Variants in SGMS1 observed in about 807,000 individuals in gnomAD.
SGMS1 encodes sphingomyelin synthase 1.
Under a neutral mutation model 46.2 loss-of-function variants are expected in SGMS1, and 13 were observed. That is an observed-to-expected ratio of 0.28 (90% CI 0.18 to 0.45). SGMS1 has a LOEUF of 0.45. Ranked by LOEUF, SGMS1 falls within the 20% of genes least tolerant of loss-of-function variation. The pLI is 1.00. For synonymous variants in SGMS1, 203 were observed against 187.8 expected (o/e 1.08, Z -0.66); for missense variants, 324 against 519.9 (o/e 0.62, Z 3.66).
intron 6 of SGMS1, among the ~76,000 whole-genome samples, chr10:50,425,173 T>C (rs899877144): frequency 6.6e-6 from 1 of 152,202 alleles, no homozygotes; most frequent in Non-Finnish European, 1.5e-5. Flanking sequence ...TCAGCCTCTG[T>C]GGAAAGCAGT....
chr10:50,402,797 T>TTGTATA (rs1485820099), intron 6 of SGMS1, among the ~76,000 whole-genome samples: 2 of 152,018 alleles, frequency 1.3e-5, no homozygotes, highest in Non-Finnish European at 2.9e-5. Flanking sequence ...GATGGATGAT[T>TTGTATA]TGTATAGTGA....
chr10:50,487,479 T>C (rs1239470453), intron 3 of SGMS1, among the ~76,000 whole-genome samples: 1 of 152,234 alleles, frequency 6.6e-6, no homozygotes, highest in East Asian at 1.9e-4. Context: ...ACGTGTACCA[T>C]GGAACTTAAA....
chr10:50,513,419 T>C (rs1267706284), intron 3 of SGMS1, among the ~76,000 whole-genome samples: 3 of 152,132 alleles, frequency 2.0e-5, no homozygotes, highest in Non-Finnish European at 4.4e-5. Context: ...CCTAGGAGTC[T>C]TTGAGGCTTC....
In SGMS1 at chr10:50,488,626, T is replaced by A. The variant is rs190964601; in HGVS notation, c.-497-21694A>T. On this transcript the variant is annotated intron_variant, in intron 3 of 10. Transcript: ENST00000361781. ...TCCCAAGTAACATTCTCATTCTCCA[T>A]ATAAGAATAAAGAGGAAAAAGAAAG... Among the ~76,000 whole-genome samples the A allele has an allele frequency of 5.3e-5, 8 of 152,318 alleles. No homozygotes were observed. In the East Asian group the frequency reaches 1.3e-3, roughly 26 times the overall value.
At chr10:50,451,941 C>G (rs1837116142) in intron 5 of SGMS1, among the ~76,000 whole-genome samples, 1 of 152,100 alleles carries the variant, frequency 6.6e-6, no homozygotes, top group African/African-American at 2.4e-5. Flanking sequence ...TACACTCATT[C>G]AGAATCAAAT....
At chr10:50,393,840 G>T (rs1041311818) in intron 6 of SGMS1, among the ~76,000 whole-genome samples, 10 of 152,208 alleles carry the variant, frequency 6.6e-5, no homozygotes, top group Non-Finnish European at 5.9e-5. Flanking sequence ...CAACTTAAAA[G>T]ATTTTGCAGA....
At chr10:50,374,964 AG>A (rs1848501623) in intron 6 of SGMS1, among the ~76,000 whole-genome samples, 1 of 152,116 alleles carries the variant, frequency 6.6e-6, no homozygotes, top group East Asian at 1.9e-4. Context: ...TCGCAGCCCG[AG>A]GCAGGTGAAA....
At chr10:50,505,257 C>T (rs1236940824) in intron 3 of SGMS1, among the ~76,000 whole-genome samples, 2 of 152,086 alleles carry the variant, frequency 1.3e-5, no homozygotes, top group Non-Finnish European at 2.9e-5. Context: ...TCAACAGCTC[C>T]TCCCATAGAA....
chr10:50,422,325 C>T (rs752757797), intron 6 of SGMS1, among the ~76,000 whole-genome samples: 4 of 152,098 alleles, frequency 2.6e-5, no homozygotes, highest in Admixed American at 1.3e-4. Context: ...GAAAAGAAAA[C>T]GTTCCCTTTG....
At position 50,495,335 on chromosome 10, in the gene SGMS1, C is replaced by T. The variant is rs576926862; in HGVS notation, c.-498+24496G>A. On this transcript the variant is annotated intron_variant, in intron 3 of 10. Coordinates refer to ENST00000361781, the MANE Select transcript of SGMS1 (RefSeq NM_147156.4). ...TAATTAATGATTAAACTGTACTTCT[C>T]TGAAATAAAATTTGGCTAAAATGCC... is the stretch of plus-strand genomic sequence containing the variant. 1.2e-4 allele frequency among the ~76,000 whole-genome samples: 18 copies of T among 150,172 alleles called. No individual in the cohort carries two copies. In the East Asian group the frequency reaches 2.1e-3, roughly 18 times the overall value.
At chr10:50,479,841 T>C (rs182722733) in intron 3 of SGMS1, among the ~76,000 whole-genome samples, 2 of 152,268 alleles carry the variant, frequency 1.3e-5, no homozygotes, top group Non-Finnish European at 2.9e-5. Context: ...TTCTCATAGA[T>C]AAAAGAGCAA....
intron 6 of SGMS1, among the ~76,000 whole-genome samples, chr10:50,351,728 C>T (rs529323882): frequency 2.0e-4 from 30 of 152,306 alleles, no homozygotes; most frequent in African/African-American, 7.0e-4. Flanking sequence ...GCCTCCCTAG[C>T]CATGTGGAAC....
At chr10:50,309,159 A>T (rs1055596194) in intron 9 of SGMS1, among the ~76,000 whole-genome samples, 2 of 152,214 alleles carry the variant, frequency 1.3e-5, no homozygotes, top group Non-Finnish European at 2.9e-5. Context: ...AAGGGGGATC[A>T]GAAGTATAGG....
rs549280044 is a variant in SGMS1, at chr10:50,356,248, A to G, written c.-231-11903T>C. On this transcript the variant is annotated intron_variant, in intron 6 of 10. Coordinates refer to ENST00000361781, the MANE Select transcript of SGMS1 (RefSeq NM_147156.4). ...CTGCCTTGGGATGCTGTTAATCTAT[A>G]AACCTTACCCCCAACCCTGTGCTCT... 3.9e-5 allele frequency among the ~76,000 whole-genome samples: 6 copies of G among 152,362 alleles called. No individual in the cohort carries two copies. The South Asian group carries it at 1.2e-3, about 32-fold the overall frequency.
At chr10:50,547,282 C>A (rs1248652003) in intron 2 of SGMS1, among the ~76,000 whole-genome samples, 1 of 151,966 alleles carries the variant, frequency 6.6e-6, no homozygotes, top group Non-Finnish European at 1.5e-5. Context: ...AAAATTCAGA[C>A]CATATAGACC....
chr10:50,568,786 G>A (rs1314262111), intron 2 of SGMS1, among the ~76,000 whole-genome samples: 2 of 152,160 alleles, frequency 1.3e-5, no homozygotes, highest in African/African-American at 4.8e-5. Flanking sequence ...GTACACCAAC[G>A]TGTCATTTCT....
rs1017333142 is a variant in SGMS1 at position 50,574,352 on chromosome 10, C to T, written c.-589+15801G>A. Among the ~76,000 whole-genome samples, 4 of 152,058 alleles carry T rather than the reference C, an allele frequency of 2.6e-5. 1 individual carries two copies. The South Asian group carries it at 6.2e-4, about 24-fold the overall frequency. ...AATGAGCATTGAACAGACATATCTCCAAAGAAGACATCCAAGTAGCCAAGA... is the reference window on the plus strand; with the variant it reads ...AATGAGCATTGAACAGACATATCTCTAAAGAAGACATCCAAGTAGCCAAGA... On this transcript the variant is annotated intron_variant, in intron 2 of 10. Coordinates refer to ENST00000361781, the MANE Select transcript of SGMS1 (RefSeq NM_147156.4).
intron 6 of SGMS1, among the ~76,000 whole-genome samples, chr10:50,400,535 C>T (rs1186876580): frequency 1.3e-5 from 2 of 150,634 alleles, no homozygotes; most frequent in African/African-American, 4.9e-5. Context: ...ACTTCAGCCT[C>T]GAACTCTTGG....
intron 2 of SGMS1, among the ~76,000 whole-genome samples, chr10:50,543,568 T>C (rs1211551418): frequency 1.3e-5 from 2 of 152,224 alleles, no homozygotes; most frequent in Admixed American, 1.3e-4. Context: ...TGAAACAAAG[T>C]GTGGCTGATG....
Sources: gnomAD v4.1 joint callset for allele counts (sites outside exome capture counted in the v4.1 genomes callset) on GRCh38, gnomAD v4.1.1 for gene constraint, MANE v1.5 for transcripts, NCBI Gene and HGNC (gene_info 2026-07-23, HGNC 2026-07-21) for gene names.